GRIK1: variants seen among roughly 807,000 people sequenced by gnomAD.
GRIK1 encodes the protein glutamate receptor ionotropic, kainate 1.
A neutral mutation model predicts 105.7 loss-of-function variants in GRIK1; 69 were observed. The ratio of observed to expected loss-of-function variants is 0.65; its 90% confidence interval spans 0.54 to 0.80. The LOEUF (loss-of-function observed/expected upper bound fraction) is 0.80. Ranked by LOEUF, GRIK1 falls within the 30% of genes least tolerant of loss-of-function variation. The pLI is 0.00. For synonymous variants in GRIK1, 438 were observed against 431.3 expected (o/e 1.02, Z -0.19); for missense variants, 1,109 against 1,167.3 (o/e 0.95, Z 0.73).
At chr21:29,614,787 C>G (rs2146390428) in intron 7 of GRIK1, among the ~76,000 whole-genome samples, 1 of 151,560 alleles carries the variant, frequency 6.6e-6, no homozygotes, top group Admixed American at 6.6e-5. Flanking sequence ...ATGTTCTGCC[C>G]CAATAGCTAC....
intron 9 of GRIK1, 28 bp downstream of exon 9, chr21:29,596,498 T>C (rs1428439122): frequency 1.3e-6 from 2 of 1,523,278 alleles, no homozygotes; most frequent in Non-Finnish European, 1.8e-6. Flanking sequence ...ACCCCCAGGT[T>C]TCCTGCAGTT....
chr21:29,750,639 A>G (rs1210211693), intron 1 of GRIK1, among the ~76,000 whole-genome samples: 3 of 152,082 alleles, frequency 2.0e-5, no homozygotes, highest in Admixed American at 1.3e-4. Context: ...TGATTTTCTG[A>G]TGAGGGTCAA....
intron 1 of GRIK1, among the ~76,000 whole-genome samples, chr21:29,769,942 T>A (rs552477462): frequency 6.6e-6 from 1 of 152,162 alleles, no homozygotes; most frequent in Non-Finnish European, 1.5e-5. Flanking sequence ...TTCACTGAAT[T>A]TTTGAGTTTT....
At chr21:29,858,338 C>A (rs464803) in intron 1 of GRIK1, among the ~76,000 whole-genome samples, 1 of 151,984 alleles carries the variant, frequency 6.6e-6, no homozygotes, top group African/African-American at 2.4e-5. Context: ...CCCATGAAAC[C>A]CAGTGCATGT....
At chr21:29,644,842 C>A (rs1410542792) in intron 6 of GRIK1, among the ~76,000 whole-genome samples, 2 of 152,212 alleles carry the variant, frequency 1.3e-5, no homozygotes, top group Admixed American at 6.5e-5. Flanking sequence ...TTATTGAGCA[C>A]TTATGATATG....
At chr21:29,624,208 TG>T (rs912152782) in intron 7 of GRIK1, among the ~76,000 whole-genome samples, 1 of 152,100 alleles carries the variant, frequency 6.6e-6, no homozygotes, top group Non-Finnish European at 1.5e-5. Context: ...TGCAGAAAAA[TG>T]TTTATTTTTC....
intron 4 of GRIK1, among the ~76,000 whole-genome samples, chr21:29,671,652 A>C (rs1391559453): frequency 2.0e-5 from 3 of 152,160 alleles, no homozygotes; most frequent in Non-Finnish European, 4.4e-5. Flanking sequence ...TACTTATGAA[A>C]TTACTGGCCC....
chr21:29,700,534 C>A (rs897418092), intron 1 of GRIK1, among the ~76,000 whole-genome samples: 1 of 152,084 alleles, frequency 6.6e-6, no homozygotes, highest in Admixed American at 6.6e-5. Context: ...ATCAGAATGT[C>A]AAAGGGGTGG....
intron 7 of GRIK1, among the ~76,000 whole-genome samples, chr21:29,630,000 C>T (rs1211672943): frequency 1.3e-5 from 2 of 152,166 alleles, no homozygotes; most frequent in African/African-American, 4.8e-5. Flanking sequence ...TTTTGAGATA[C>T]ATCCTTGCCT....
intron 1 of GRIK1, among the ~76,000 whole-genome samples, chr21:29,780,131 T>C (rs2066054321): frequency 6.6e-6 from 1 of 152,226 alleles, no homozygotes; most frequent in South Asian, 2.1e-4. Flanking sequence ...TTCAGTGAGA[T>C]AGAATATGTA....
At chr21:29,727,224 C>A (rs1038658713) in intron 1 of GRIK1, among the ~76,000 whole-genome samples, 1 of 152,046 alleles carries the variant, frequency 6.6e-6, no homozygotes, top group Non-Finnish European at 1.5e-5. Context: ...CCGTGCTTGG[C>A]CTTGGAGTCA....
At chr21:29,694,970 T>TC (rs1327090327) in intron 1 of GRIK1, among the ~76,000 whole-genome samples, 1 of 152,182 alleles carries the variant, frequency 6.6e-6, no homozygotes, top group Admixed American at 6.5e-5. Context: ...TTCTTTCTTT[T>TC]CTTTTTTTCT....
intron 1 of GRIK1, among the ~76,000 whole-genome samples, chr21:29,775,605 G>A (rs1270865985): frequency 2.6e-5 from 4 of 152,112 alleles, no homozygotes; most frequent in African/African-American, 7.2e-5. Context: ...GGAAAAAAAG[G>A]GCAACAGGAA....
chr21:29,735,899 C>G (rs2064779283), intron 1 of GRIK1, among the ~76,000 whole-genome samples: 1 of 149,420 alleles, frequency 6.7e-6, no homozygotes. Flanking sequence ...TGGTACATTG[C>G]CAATACTAAA....
At chr21:29,892,465 C>G (rs757102727) in intron 1 of GRIK1, among the ~76,000 whole-genome samples, 7 of 152,198 alleles carry the variant, frequency 4.6e-5, no homozygotes, top group Admixed American at 3.9e-4. Flanking sequence ...GGATTTGATA[C>G]AAAGCTGAAT....
chr21:29,587,652 C>T, intron 11 of GRIK1, 63 bp from the exon 12 acceptor site: 3 of 818,082 alleles, frequency 3.7e-6, no homozygotes, highest in Non-Finnish European at 6.0e-6. Flanking sequence ...CTAGACTTTT[C>T]CTGGGTACTC....
At chr21:29,865,383 C>T (rs1024388560) in intron 1 of GRIK1, among the ~76,000 whole-genome samples, 4 of 152,164 alleles carry the variant, frequency 2.6e-5, no homozygotes, top group African/African-American at 4.8e-5. Context: ...TTCATAAATA[C>T]ATTAAATCTG....
chr21:29,680,855 C>G (rs1055073630), intron 3 of GRIK1, among the ~76,000 whole-genome samples: 3 of 152,178 alleles, frequency 2.0e-5, no homozygotes, highest in African/African-American at 7.2e-5. Context: ...ACATAGCAGG[C>G]TGGGCGTGGT....
chr21:29,656,230 CG>C (rs2062844884), intron 4 of GRIK1, among the ~76,000 whole-genome samples: 1 of 150,892 alleles, frequency 6.6e-6, no homozygotes, highest in Admixed American at 6.6e-5. Flanking sequence ...GGCGTGGTGG[CG>C]GGTGCCTGTA....
Sources: gnomAD v4.1 joint callset for allele counts (sites outside exome capture counted in the v4.1 genomes callset) on GRCh38, gnomAD v4.1.1 for gene constraint, MANE v1.5 for transcripts, NCBI Gene and HGNC (gene_info 2026-07-23, HGNC 2026-07-21) for gene names.